Variants in CMIP observed in about 807,000 individuals in gnomAD.
CMIP encodes the protein C-Maf-inducing protein.
Under a neutral mutation model 97.3 loss-of-function variants are expected in CMIP, and 13 were observed. That is an observed-to-expected ratio of 0.13 (90% confidence interval 0.09 to 0.21). CMIP has a LOEUF of 0.21. CMIP is among the 10% of genes least tolerant of loss of function. CMIP has a pLI of 1.00. For synonymous variants in CMIP, 538 were observed against 436.3 expected (o/e 1.23, Z -2.91); for missense variants, 847 against 1,024.9 (o/e 0.83, Z 2.37).
intron 17 of CMIP, 23 bp from the exon 18 acceptor site, chr16:81,703,916 G>C (rs369577810): frequency 2.7e-4 from 422 of 1,583,074 alleles, no homozygotes; most frequent in Non-Finnish European, 3.6e-4. Context: ...GCACCCTCAG[G>C]CCTCTCCCCC....
chr16:81,452,869 GTTTTTTTTTTGTTTTGTTTTTT>G (rs1425805793), intron 1 of CMIP, among the ~76,000 whole-genome samples: 1 of 103,044 alleles, frequency 9.7e-6, no homozygotes, highest in Admixed American at 9.9e-5. Flanking sequence ...TTTTTCTTTT[GTTTTTTTTTTGTTTTGTTTTTT>G]TTTTTTTTTT....
rs369522452 is a variant in CMIP, at chr16:81,683,002, C to G, written c.1388+4374C>G. ...ATTTGTAGTCATTTGGAGTCCAGCT[C>G]TTTTCCTGCTGGGCACCTATGTATG... On this transcript the variant is annotated intron_variant, in intron 10 of 20. Coordinates refer to ENST00000537098, the MANE Select transcript of CMIP (RefSeq NM_198390.3). 1.4e-4 allele frequency among the ~76,000 whole-genome samples: 21 copies of G among 152,326 alleles called. No homozygotes were observed. In the East Asian group the frequency reaches 3.9e-3, roughly 28 times the overall value.
intron 1 of CMIP, among the ~76,000 whole-genome samples, chr16:81,502,696 A>G (rs2089635611): frequency 6.6e-6 from 1 of 152,214 alleles, no homozygotes; most frequent in Admixed American, 6.5e-5. Context: ...TTATCATCAT[A>G]TTCCCATTGC....
chr16:81,706,241 G>A (rs565156940), intron 19 of CMIP, among the ~76,000 whole-genome samples: 1 of 152,346 alleles, frequency 6.6e-6, no homozygotes, highest in Non-Finnish European at 1.5e-5. Context: ...GAAGACCCGT[G>A]GCTCAGTGGG....
chr16:81,540,326 T>C (rs2090424907), intron 1 of CMIP, among the ~76,000 whole-genome samples: 1 of 152,190 alleles, frequency 6.6e-6, no homozygotes, highest in African/African-American at 2.4e-5. Flanking sequence ...TCACCCTGGC[T>C]GAGTCTCACT....
intron 1 of CMIP, among the ~76,000 whole-genome samples, chr16:81,505,101 C>T (rs117125661): frequency 0.013 from 1,989 of 152,344 alleles, 28 homozygotes; most frequent in Middle Eastern, 0.034. Context: ...CCTTGCTCAT[C>T]TGATCGTGCA....
In CMIP at chr16:81,577,980, A is replaced by G. The variant is rs535460963; in HGVS notation, c.301-29587A>G. On this transcript the variant is annotated intron_variant, in intron 1 of 20. Coordinates refer to ENST00000537098, the MANE Select transcript of CMIP (RefSeq NM_198390.3). The stretch of plus-strand genomic sequence containing the variant: ...CCATTACCACTACATTATTATCACT[A>G]TCACCATCACCATCATCACCATCAC... Among the ~76,000 whole-genome samples the G allele has an allele frequency of 7.4e-4, 108 of 146,452 alleles. 1 individual carries two copies. The highest frequency in any genetic ancestry group is 3.5e-3 in the Middle Eastern group (1 of 284).
intron 1 of CMIP, among the ~76,000 whole-genome samples, chr16:81,491,949 G>A (rs1362971266): frequency 6.6e-6 from 1 of 152,134 alleles, no homozygotes; most frequent in South Asian, 2.1e-4. Flanking sequence ...TAGTGGCCAC[G>A]TGGTCATCTT....
At chr16:81,677,110 C>T (rs1904352297) in intron 9 of CMIP, among the ~76,000 whole-genome samples, 1 of 152,056 alleles carries the variant, frequency 6.6e-6, no homozygotes, top group Non-Finnish European at 1.5e-5. Flanking sequence ...TGGTGTCCCG[C>T]CAGGGGTGGA....
intron 3 of CMIP, among the ~76,000 whole-genome samples, chr16:81,633,228 A>G (rs2092188823): frequency 6.6e-6 from 1 of 152,248 alleles, no homozygotes; most frequent in South Asian, 2.1e-4. Context: ...AGGCGTCTGC[A>G]GTGTGTCTCT....
intron 1 of CMIP, among the ~76,000 whole-genome samples, chr16:81,454,519 G>C (rs183326696): frequency 6.6e-6 from 1 of 152,254 alleles, no homozygotes; most frequent in Non-Finnish European, 1.5e-5. Context: ...TGTCAAAAAA[G>C]TTAAGGGAAC....
chr16:81,611,038 G>A (rs1320773348), intron 2 of CMIP, among the ~76,000 whole-genome samples: 1 of 152,148 alleles, frequency 6.6e-6, no homozygotes, highest in Non-Finnish European at 1.5e-5. Flanking sequence ...ATGAGTGAAA[G>A]TGCCTTAAAT....
At chr16:81,705,285 C>T (rs1045046120) in intron 18 of CMIP, among the ~76,000 whole-genome samples, 3 of 152,204 alleles carry the variant, frequency 2.0e-5, no homozygotes, top group African/African-American at 4.8e-5. Context: ...TGGCCTGGCT[C>T]CACTCCCAAC....
At chr16:81,476,734 A>G (rs1907947510) in intron 1 of CMIP, among the ~76,000 whole-genome samples, 1 of 152,202 alleles carries the variant, frequency 6.6e-6, no homozygotes, top group African/African-American at 2.4e-5. Context: ...GATTGCTTCT[A>G]GATTTTTGCT....
At chr16:81,446,334 G>A (rs999377195) in intron 1 of CMIP, among the ~76,000 whole-genome samples, 2 of 152,036 alleles carry the variant, frequency 1.3e-5, no homozygotes, top group African/African-American at 2.4e-5. Flanking sequence ...TCAGCTGGAT[G>A]AGTCGGAGAG....
At chr16:81,692,979 A>G (rs11642818) in intron 11 of CMIP, among the ~76,000 whole-genome samples, 179 bp from the exon 12 acceptor site, 1 of 152,004 alleles carries the variant, frequency 6.6e-6, no homozygotes, top group African/African-American at 2.4e-5. Context: ...CGCCTCCTCA[A>G]AGAAGGCCTT....
chr16:81,478,658 C>G (rs779611555), intron 1 of CMIP, among the ~76,000 whole-genome samples: 9 of 152,176 alleles, frequency 5.9e-5, no homozygotes, highest in Non-Finnish European at 1.3e-4. Context: ...CGCAGCCACC[C>G]CAGAGCCTCC....
chr16:81,487,999 C>A (rs780111034), intron 1 of CMIP, among the ~76,000 whole-genome samples: 8 of 152,128 alleles, frequency 5.3e-5, no homozygotes, highest in Non-Finnish European at 7.4e-5. Context: ...GCCCTGGCAG[C>A]CTCGCATCTT....
Position 81,492,744 on chromosome 16 carries a change from A to G in CMIP, c.300+47203A>G, listed in dbSNP as rs148576084. 5.7e-3 allele frequency among the ~76,000 whole-genome samples: 862 copies of G among 152,126 alleles called. 8 individuals carry two copies. The highest frequency in any genetic ancestry group is 0.02 in the African/African-American group (826 of 41,520). On this transcript the variant is annotated intron_variant, in intron 1 of 20. Coordinates refer to ENST00000537098, the MANE Select transcript of CMIP (RefSeq NM_198390.3). ...AGGCTGGCAAAAATAGACCACGGAA[A>G]CGGCAGGCAGCCGGGATAAGGAGGA... is the stretch of plus-strand genomic sequence containing the variant.
Sources: gnomAD v4.1 joint callset for allele counts (sites outside exome capture counted in the v4.1 genomes callset) on GRCh38, gnomAD v4.1.1 for gene constraint, MANE v1.5 for transcripts, NCBI Gene and HGNC (gene_info 2026-07-23, HGNC 2026-07-21) for gene names.